Variants in MYO3B observed in about 807,000 individuals in gnomAD.
MYO3B encodes myosin-IIIb.
A neutral mutation model predicts 174.6 loss-of-function variants in MYO3B; 156 were observed. The observed-to-expected ratio is 0.89, with a 90% CI of 0.78 to 1.02. The LOEUF (loss-of-function observed/expected upper bound fraction) is 1.02. Ranked by LOEUF, MYO3B falls within the 50% of genes least tolerant of loss-of-function variation. The pLI is 0.00. For missense variants in MYO3B, 1,632 were observed against 1,639.4 expected (o/e 1.00, Z 0.08); for synonymous variants, 563 against 569.1 (o/e 0.99, Z 0.15).
At chr2:170,493,627 T>C (rs1281553371) in intron 25 of MYO3B, among the ~76,000 whole-genome samples, 1 of 152,238 alleles carries the variant, frequency 6.6e-6, no homozygotes, top group Admixed American at 6.5e-5. Context: ...TGATCTGGAC[T>C]TAGTGACTCA....
intron 6 of MYO3B, among the ~76,000 whole-genome samples, chr2:170,220,253 G>A (rs375665056): frequency 7.3e-4 from 97 of 132,482 alleles, no homozygotes; most frequent in African/African-American, 2.5e-3. Context: ...GTGAGACTCC[G>A]TCTCAAAAAC....
In MYO3B at chr2:170,254,599, G is replaced by A. The variant is rs1394410091; in HGVS notation, c.749+18463G>A. Among the ~76,000 whole-genome samples, 3 of 152,306 alleles carry A rather than the reference G, an allele frequency of 2.0e-5. No individual in the cohort carries two copies. In the South Asian group the frequency reaches 6.2e-4, roughly 32 times the overall value. On this transcript the variant is annotated intron_variant, in intron 7 of 34. Transcript: ENST00000408978. ...TTCAGCACCACCCCCAGCACAGCTG[G>A]TGCTTGACCCAGAGGGGTCAGAGGA...
Position 170,514,214 on chromosome 2 carries a change from C to T in MYO3B, c.3371-707C>T, listed in dbSNP as rs115483217. Among the ~76,000 whole-genome samples, 1,295 of 152,312 alleles carry T rather than the reference C, an allele frequency of 8.5e-3. 15 individuals carry two copies. The highest frequency in any genetic ancestry group is 0.026 in the African/African-American group (1,090 of 41,564). On this transcript the variant is annotated intron_variant, in intron 28 of 34. Coordinates refer to ENST00000408978, the MANE Select transcript of MYO3B (RefSeq NM_138995.5). ...GAGGTAAAAGATGTTGGAACATCTT[C>T]AGCCGCTCGTGACCTTGAGGTCATG...
intron 28 of MYO3B, among the ~76,000 whole-genome samples, chr2:170,506,285 A>G (rs1292990059): frequency 6.6e-6 from 1 of 152,234 alleles, no homozygotes; most frequent in African/African-American, 2.4e-5. Context: ...TTTGGTGTAT[A>G]AAACTGCCTG....
chr2:170,311,733 G>A (rs2093741049), intron 7 of MYO3B, among the ~76,000 whole-genome samples: 1 of 151,714 alleles, frequency 6.6e-6, no homozygotes, highest in Non-Finnish European at 1.5e-5. Context: ...GAGTTTTATG[G>A]TTTTATTTCT....
intron 28 of MYO3B, among the ~76,000 whole-genome samples, chr2:170,503,380 C>A (rs1687405192): frequency 6.6e-6 from 1 of 151,824 alleles, no homozygotes. Context: ...TTCAGTGGAG[C>A]ACCTATGGGG....
intron 7 of MYO3B, among the ~76,000 whole-genome samples, chr2:170,272,200 A>G (rs1291969021): frequency 6.6e-6 from 1 of 152,002 alleles, no homozygotes; most frequent in African/African-American, 2.4e-5. Context: ...GCAAATTCAC[A>G]GGCCCTAGCC....
intron 7 of MYO3B, among the ~76,000 whole-genome samples, chr2:170,245,088 CTCT>C (rs758480405): frequency 5.3e-5 from 8 of 152,170 alleles, no homozygotes; most frequent in Non-Finnish European, 8.8e-5. Context: ...TGAGGCAGGA[CTCT>C]GCTGACCGTC....
Position 170,367,461 on chromosome 2 carries a change from G to A in MYO3B, c.816-1761G>A, listed in dbSNP as rs552588499. 3.9e-4 allele frequency among the ~76,000 whole-genome samples: 59 copies of A among 152,302 alleles called. 1 individual carries two copies. In the South Asian group the frequency reaches 0.011, roughly 29 times the overall value. On this transcript the variant is annotated intron_variant, in intron 8 of 34. Coordinates refer to ENST00000408978, the MANE Select transcript of MYO3B (RefSeq NM_138995.5). ...GACTCCCATCCTACCCGTTCCCTCT[G>A]AGGTTCCTGGGGGTGTGCACAACTA...
At chr2:170,398,385 G>A (rs2094453721) in intron 16 of MYO3B, among the ~76,000 whole-genome samples, 3 of 152,022 alleles carry the variant, frequency 2.0e-5, no homozygotes, top group Admixed American at 2.0e-4. Context: ...AAAGCTCTCC[G>A]AATCTCATCA....
intron 5 of MYO3B, among the ~76,000 whole-genome samples, chr2:170,215,696 T>C (rs1177262327): frequency 6.6e-6 from 1 of 152,228 alleles, no homozygotes; most frequent in Admixed American, 6.5e-5. Context: ...CTATTTTTAC[T>C]GAAACACAAG....
intron 7 of MYO3B, among the ~76,000 whole-genome samples, chr2:170,258,627 C>A (rs796828234): frequency 5.9e-5 from 9 of 152,258 alleles, no homozygotes; most frequent in African/African-American, 2.2e-4. Context: ...AAGCTGGAAG[C>A]ATTTCCCTTA....
intron 30 of MYO3B, among the ~76,000 whole-genome samples, chr2:170,539,419 C>T (rs983214288): frequency 3.3e-5 from 5 of 152,092 alleles, no homozygotes; most frequent in African/African-American, 9.7e-5. Flanking sequence ...ACAATGTTGT[C>T]GTGGTGTTAG....
Position 170,407,769 on chromosome 2 carries a change from G to A in MYO3B, c.2575G>A (p.Asp859Asn), listed in dbSNP as rs2094520019. Residue 859 changes from aspartate (D) to asparagine (N), a missense_variant, in exon 22 of 35, where the codon GAT (aspartate) becomes AAT (asparagine). Coordinates refer to ENST00000408978, the MANE Select transcript of MYO3B (RefSeq NM_138995.5). ...LEKNRDTLPA[D>N]VVVVLRTSEN... Reference sequence around the variant, plus strand: ...GAAAAATAGAGACACTCTCCCTGCCGATGTGGTTGTGGTCCTGAGAACGTC... The same window carrying A: ...GAAAAATAGAGACACTCTCCCTGCCAATGTGGTTGTGGTCCTGAGAACGTC... 4.3e-6 allele frequency: 7 copies of A among 1,613,984 alleles called. No homozygotes were observed. Among genetic ancestry groups the A allele is most frequent in the East Asian group, 4.5e-5 (2 of 44,888 alleles).
intron 19 of MYO3B, among the ~76,000 whole-genome samples, chr2:170,403,786 C>G (rs1019737104): frequency 2.6e-5 from 4 of 152,198 alleles, no homozygotes; most frequent in African/African-American, 9.7e-5. Context: ...CTGTATAGCA[C>G]TCCTCTCCCA....
At chr2:170,356,803 G>T (rs371300636) in intron 8 of MYO3B, among the ~76,000 whole-genome samples, 2 of 151,878 alleles carry the variant, frequency 1.3e-5, no homozygotes, top group Admixed American at 6.6e-5. Flanking sequence ...TTTAAGACAA[G>T]GTCTCACCCT....
intron 7 of MYO3B, among the ~76,000 whole-genome samples, chr2:170,305,641 C>T (rs2093696198): frequency 1.3e-5 from 2 of 152,094 alleles, no homozygotes; most frequent in Non-Finnish European, 2.9e-5. Flanking sequence ...TAGTCTTAGC[C>T]CTGAGATCCT....
chr2:170,286,425 T>C (rs1230889976), intron 7 of MYO3B, among the ~76,000 whole-genome samples: 1 of 152,174 alleles, frequency 6.6e-6, no homozygotes, highest in Admixed American at 6.5e-5. Flanking sequence ...CATCTGTACC[T>C]GTACCACATG....
intron 7 of MYO3B, among the ~76,000 whole-genome samples, chr2:170,259,704 A>G (rs761234386): frequency 7.2e-5 from 11 of 152,236 alleles, no homozygotes; most frequent in Non-Finnish European, 1.5e-4. Context: ...GACAAGTGGG[A>G]CATAATTAAA....
Sources: allele counts gnomAD v4.1 joint callset (sites outside exome capture counted in the v4.1 genomes callset), GRCh38; gene constraint gnomAD v4.1.1; transcripts MANE v1.5; gene names NCBI Gene and HGNC (gene_info 2026-07-23, HGNC 2026-07-21).